Variants in BLTP1 observed in about 807,000 individuals in gnomAD.
BLTP1 encodes bridge-like lipid transfer protein family member 1, also known as fragile site-associated protein.
chr4:122,241,687 G>A, the BLTP1 span, among the ~76,000 whole-genome samples: 37,913 of 152,070 alleles, frequency 0.25, 5,690 homozygotes, highest in Middle Eastern at 0.48. Flanking sequence ...TGTTTTTAAG[G>A]TTGTACTGTT....
the BLTP1 span, chr4:122,243,892 A>G: frequency 1.2e-6 from 2 of 1,605,460 alleles, no homozygotes; most frequent in Non-Finnish European, 1.7e-6. Flanking sequence ...CTCGCTGATA[A>G]CACAGATGAT....
chr4:122,305,777 ATTATAG>A, the BLTP1 span: 1 of 1,363,670 alleles, frequency 7.3e-7, no homozygotes, highest in East Asian at 2.5e-5. Context: ...AGAAAAATGT[ATTATAG>A]TTTTTTTGGT....
the BLTP1 span, chr4:122,226,548 GA>G: frequency 2.1e-5 from 31 of 1,458,568 alleles, no homozygotes; most frequent in Middle Eastern, 5.7e-4. Context: ...ATTAAAGGTA[GA>G]AAAAAATCAT....
At chr4:122,343,167 A>G in the BLTP1 span, among the ~76,000 whole-genome samples, 1 of 152,248 alleles carries the variant, frequency 6.6e-6, no homozygotes, top group Non-Finnish European at 1.5e-5. Context: ...CCAAACATAT[A>G]TATAAAAATA....
the BLTP1 span, chr4:122,281,657 A>G: frequency 6.2e-7 from 1 of 1,613,534 alleles, no homozygotes; most frequent in Non-Finnish European, 8.5e-7. Flanking sequence ...CTTAGAAAAG[A>G]AGCCTATTGT....
At chr4:122,182,978 A>T in the BLTP1 span, 2 of 984,528 alleles carry the variant, frequency 2.0e-6, no homozygotes, top group Non-Finnish European at 2.4e-6. Flanking sequence ...TCTGGTGAGG[A>T]GCAATTCATT....
chr4:122,189,365 G>C, the BLTP1 span: 6 of 982,226 alleles, frequency 6.1e-6, no homozygotes. Flanking sequence ...AAGATTAATG[G>C]TTTCTGGGAA....
chr4:122,305,359 TAAA>T, the BLTP1 span: 2 of 940,988 alleles, frequency 2.1e-6, no homozygotes, highest in Middle Eastern at 1.1e-3. Flanking sequence ...ATAGTAATGT[TAAA>T]TAAAGTTAAA....
chr4:122,200,252 C>T, the BLTP1 span: 1 of 985,274 alleles, frequency 1.0e-6, no homozygotes, highest in Non-Finnish European at 1.2e-6. Flanking sequence ...TGACAATGCT[C>T]TTCCTAGGTA....
chr4:122,198,342 A>C, the BLTP1 span: 1 of 985,338 alleles, frequency 1.0e-6, no homozygotes, highest in Non-Finnish European at 1.2e-6. Flanking sequence ...AGTTCGAAAG[A>C]AGCATCTTTT....
the BLTP1 span, chr4:122,237,290 C>T: frequency 2.8e-5 from 28 of 985,108 alleles, no homozygotes; most frequent in Non-Finnish European, 3.1e-5. Flanking sequence ...TTTTATTTCC[C>T]CCAGCCCCTC....
the BLTP1 span, chr4:122,197,192 G>A: frequency 2.7e-5 from 31 of 1,131,514 alleles, no homozygotes; most frequent in South Asian, 3.5e-4. Context: ...TTTTCTTTTG[G>A]TAGGAAACAA....
the BLTP1 span, among the ~76,000 whole-genome samples, chr4:122,350,880 G>A: frequency 6.6e-6 from 1 of 152,140 alleles, no homozygotes; most frequent in Non-Finnish European, 1.5e-5. Context: ...GAAAATGCCG[G>A]ACATGAATTC....
the BLTP1 span, chr4:122,316,355 A>T: frequency 5.9e-5 from 28 of 471,940 alleles, 1 homozygote; most frequent in African/African-American, 3.8e-4. Flanking sequence ...TAGAGTTCAG[A>T]TGGAAGTTCA....
At chr4:122,185,733 T>C in the BLTP1 span, among the ~76,000 whole-genome samples, 1 of 152,102 alleles carries the variant, frequency 6.6e-6, no homozygotes, top group Non-Finnish European at 1.5e-5. Context: ...AAAGGTGTAC[T>C]TTTACTCTTT....
chr4:122,238,285 T>C, the BLTP1 span: 1 of 1,614,138 alleles, frequency 6.2e-7, no homozygotes, highest in Non-Finnish European at 8.5e-7. Context: ...CTTCATCTGT[T>C]GCTGATGACC....
the BLTP1 span, chr4:122,231,941 C>A: frequency 1.3e-6 from 1 of 743,384 alleles, no homozygotes; most frequent in African/African-American, 1.9e-5. Flanking sequence ...TATGAAAGCT[C>A]ATGTATGAAG....
chr4:122,348,425 T>A, the BLTP1 span: 1 of 692,044 alleles, frequency 1.4e-6, no homozygotes, highest in Non-Finnish European at 2.3e-6. Flanking sequence ...TTAGAGGCAA[T>A]AGGATAACCA....
the BLTP1 span, among the ~76,000 whole-genome samples, chr4:122,283,654 G>C: frequency 1.3e-5 from 2 of 152,230 alleles, no homozygotes; most frequent in East Asian, 3.9e-4. Context: ...CTATAGGCAT[G>C]CACCACCACA....
Sources: allele counts gnomAD v4.1 joint callset (sites outside exome capture counted in the v4.1 genomes callset), GRCh38; gene constraint gnomAD v4.1.1; transcripts MANE v1.5; gene names NCBI Gene and HGNC (gene_info 2026-07-23, HGNC 2026-07-21).